Variants in KLF12 observed in about 807,000 individuals in gnomAD.
KLF12 encodes KLF transcription factor 12.
KLF12 carries 9 observed loss-of-function variants against 37.8 expected under a neutral mutation model. That is an observed-to-expected ratio of 0.24 (90% CI 0.14 to 0.42). The LOEUF (loss-of-function observed/expected upper bound fraction) is 0.42. KLF12 is among the 10% of genes least tolerant of loss of function. KLF12 has a pLI of 1.00. For synonymous variants in KLF12, 208 were observed against 202.1 expected, an observed-to-expected ratio of 1.03 and a Z score of -0.25; for missense variants, 411 against 516.0, an observed-to-expected ratio of 0.80 and a Z score of 1.97.
At chr13:73,982,270 AG>A (rs748290904) in intron 2 of KLF12, among the ~76,000 whole-genome samples, 29 of 152,230 alleles carry the variant, frequency 1.9e-4, no homozygotes, top group Non-Finnish European at 3.8e-4. Flanking sequence ...AAAAAGCACA[AG>A]GAAAAGTGGT....
rs183723429 is a variant in KLF12 at position 73,884,205 on chromosome 13, T to C, written c.124-37832A>G. Among the ~76,000 whole-genome samples, 108 of 152,324 alleles carry C rather than the reference T, an allele frequency of 7.1e-4. 1 individual carries two copies. The highest frequency in any genetic ancestry group is 2.5e-3 in the African/African-American group (105 of 41,586). The stretch of plus-strand genomic sequence containing the variant: ...TCCTAAAGTTGTTCTGAGGATTGAA[T>C]GTGTTGTTTGTCTAAAATGCAACTG... On this transcript the variant is annotated intron_variant, in intron 3 of 7. Transcript: ENST00000377669.
chr13:73,813,332 A>C (rs769010833), intron 4 of KLF12, 45 bp from the exon 5 acceptor site: 13 of 1,608,308 alleles, frequency 8.1e-6, no homozygotes, highest in Non-Finnish European at 9.4e-6. Flanking sequence ...CAGTGCGCAG[A>C]AAGTTAACCT....
chr13:74,083,542 A>G (rs931194662), intron 1 of KLF12, among the ~76,000 whole-genome samples: 2 of 147,046 alleles, frequency 1.4e-5, no homozygotes, highest in Non-Finnish European at 3.0e-5. Context: ...ACACACACAA[A>G]CATTTAATAC....
intron 3 of KLF12, among the ~76,000 whole-genome samples, chr13:73,904,701 A>G (rs1888195140): frequency 6.6e-6 from 1 of 151,878 alleles, no homozygotes. Flanking sequence ...GTTTATTACC[A>G]TTGTACGAGC....
chr13:73,903,565 T>C (rs753894909), intron 3 of KLF12, among the ~76,000 whole-genome samples: 1 of 152,226 alleles, frequency 6.6e-6, no homozygotes, highest in African/African-American at 2.4e-5. Context: ...AATCAAGTCA[T>C]ACAATTCTCA....
chr13:74,176,280 T>C, the KLF12 span, among the ~76,000 whole-genome samples: 1 of 152,194 alleles, frequency 6.6e-6, no homozygotes, highest in South Asian at 2.1e-4. Context: ...CTGTGAGAGT[T>C]GAACTCTACA....
intron 5 of KLF12, among the ~76,000 whole-genome samples, chr13:73,796,416 T>C (rs554946641): frequency 2.0e-5 from 3 of 152,200 alleles, no homozygotes; most frequent in African/African-American, 7.2e-5. Flanking sequence ...TTTATTCTTC[T>C]GGAACCTCAG....
In KLF12 at chr13:73,686,987, G is replaced by A. The variant is rs986170962; in HGVS notation, c.*8503C>T. On this transcript the variant is annotated 3_prime_UTR_variant, in exon 8 of 8. Transcript: ENST00000377669. ...AGAGATTTATTCAAAAGAACATGAC[G>A]TTAGAATTGACCCCCACACACCAAG... 7 of 151,924 alleles carry A rather than the reference G, an allele frequency of 4.6e-5. No individual in the cohort carries two copies. The highest frequency in any genetic ancestry group is 1.3e-4 in the Admixed American group (2 of 15,190). 9.4% of individuals were successfully genotyped at this position (151,924 alleles called of 1,614,324 possible).
At chr13:73,715,611 C>T in intron 6 of KLF12, 86 bp from the exon 7 acceptor site, 1 of 1,350,866 alleles carries the variant, frequency 7.4e-7, no homozygotes, top group Non-Finnish European at 1.0e-6. Flanking sequence ...GTCTCAGACA[C>T]TACAGCTTCA....
intron 4 of KLF12, among the ~76,000 whole-genome samples, chr13:73,836,477 A>T (rs945368654): frequency 1.3e-5 from 2 of 152,140 alleles, no homozygotes; most frequent in Admixed American, 1.3e-4. Context: ...TCCTTCTTTC[A>T]TTTGTTCCTA....
chr13:73,923,782 G>T (rs768315545), intron 3 of KLF12, among the ~76,000 whole-genome samples: 1 of 152,168 alleles, frequency 6.6e-6, no homozygotes, highest in Non-Finnish European at 1.5e-5. Flanking sequence ...GATTTGGTAG[G>T]TCTGGCGTGG....
At chr13:74,274,246 CA>C in the KLF12 span, among the ~76,000 whole-genome samples, 1 of 152,138 alleles carries the variant, frequency 6.6e-6, no homozygotes, top group Non-Finnish European at 1.5e-5. Context: ...AGATGCAATA[CA>C]ACTGCCACTT....
In KLF12 at chr13:73,813,303, A is replaced by G; in HGVS notation, c.671-16T>C. The G allele has an allele frequency of 1.9e-6, 3 of 1,613,590 alleles. No homozygotes were observed. The highest frequency in any genetic ancestry group is 1.1e-5 in the South Asian group (1 of 91,034). ...TCCATTTGTGCTGGAGAGAAAAGGCATATATAATGAATTAAAATCAGTGCG... is the reference window on the plus strand; with the variant it reads ...TCCATTTGTGCTGGAGAGAAAAGGCGTATATAATGAATTAAAATCAGTGCG... On this transcript the variant is annotated splice_polypyrimidine_tract_variant and intron_variant, in intron 4 of 7. Coordinates refer to ENST00000377669, the MANE Select transcript of KLF12 (RefSeq NM_007249.5).
intron 7 of KLF12, among the ~76,000 whole-genome samples, chr13:73,697,809 T>C (rs1336135310): frequency 6.6e-6 from 1 of 152,046 alleles, no homozygotes; most frequent in Non-Finnish European, 1.5e-5. Flanking sequence ...TGAGCGTTGC[T>C]CAGTTGTGTA....
intron 6 of KLF12, among the ~76,000 whole-genome samples, chr13:73,758,514 G>C (rs553683314): frequency 4.9e-4 from 74 of 152,154 alleles, no homozygotes; most frequent in African/African-American, 1.8e-3. Flanking sequence ...ACCACACCTG[G>C]GTACAGTGTT....
chr13:74,235,609 A>C, the KLF12 span, among the ~76,000 whole-genome samples: 1 of 152,186 alleles, frequency 6.6e-6, no homozygotes, highest in African/African-American at 2.4e-5. Context: ...GAAAAATGAG[A>C]TAAGATCTTT....
intron 2 of KLF12, among the ~76,000 whole-genome samples, chr13:73,948,233 T>A (rs1890514899): frequency 6.6e-6 from 1 of 152,118 alleles, no homozygotes; most frequent in South Asian, 2.1e-4. Context: ...AGATTCTTTT[T>A]TTTTTTGAGA....
chr13:74,300,045 A>C, the KLF12 span, among the ~76,000 whole-genome samples: 3 of 152,194 alleles, frequency 2.0e-5, no homozygotes, highest in Non-Finnish European at 4.4e-5. Context: ...AATGGAAAAA[A>C]AAACCATTGT....
intron 4 of KLF12, among the ~76,000 whole-genome samples, chr13:73,828,082 T>C (rs182913664): frequency 6.6e-6 from 1 of 152,214 alleles, no homozygotes; most frequent in Non-Finnish European, 1.5e-5. Flanking sequence ...TGTTTTTTTT[T>C]AATTTCACTC....
Sources: gnomAD v4.1 joint callset for allele counts (sites outside exome capture counted in the v4.1 genomes callset) on GRCh38, gnomAD v4.1.1 for gene constraint, MANE v1.5 for transcripts, NCBI Gene and HGNC (gene_info 2026-07-23, HGNC 2026-07-21) for gene names.